Variants in VPS8 observed in about 807,000 individuals in gnomAD.
The protein encoded by VPS8 is vacuolar protein sorting-associated protein 8 homolog.
Under a neutral mutation model 216.4 loss-of-function variants are expected in VPS8, and 129 were observed. That is an observed-to-expected ratio of 0.60 (90% CI 0.52 to 0.69). The LOEUF (loss-of-function observed/expected upper bound fraction) is 0.69. Ranked by LOEUF, VPS8 falls within the 30% of genes least tolerant of loss-of-function variation. VPS8 has a pLI of 0.00. For missense variants in VPS8, 1,531 were observed against 1,683.5 expected, an observed-to-expected ratio of 0.91 and a Z score of 1.59; for synonymous variants, 571 against 565.4, an observed-to-expected ratio of 1.01 and a Z score of -0.14.
intron 42 of VPS8, among the ~76,000 whole-genome samples, chr3:184,983,845 A>T (rs970050760): frequency 1.4e-5 from 2 of 147,164 alleles, no homozygotes; most frequent in African/African-American, 2.5e-5. Flanking sequence ...ATAATTTTCA[A>T]ATGATTTTTA....
intron 42 of VPS8, among the ~76,000 whole-genome samples, chr3:184,989,971 G>A (rs1751661119): frequency 6.6e-6 from 1 of 152,100 alleles, no homozygotes; most frequent in Admixed American, 6.5e-5. Flanking sequence ...TACTCGGGAG[G>A]CTGAGGCAGG....
Position 184,950,216 on chromosome 3 carries a change from C to CTTTTTTTTTTTTTTTTTT in VPS8, c.3036-7147_3036-7130dup, listed in dbSNP as rs10700220. On this transcript the variant is annotated intron_variant, in intron 36 of 47. Transcript: ENST00000625842. ...AGCAACCACGCCCAGCAGTTTTCTG[C>CTTTTTTTTTTTTTTTTTT]TTTTTTTTTTTTTTTTTTTTTTTTT... Among the ~76,000 whole-genome samples the CTTTTTTTTTTTTTTTTTT allele has an allele frequency of 3.0e-4, 12 of 39,930 alleles. 3 individuals are homozygous for CTTTTTTTTTTTTTTTTTT. Among genetic ancestry groups the CTTTTTTTTTTTTTTTTTT allele is most frequent in the African/African-American group, 4.2e-4 (4 of 9,608 alleles). The allele number at this position is 39,930 out of a possible 152,430, so 26.2% of individuals were successfully genotyped here.
chr3:184,891,530 G>A (rs1451876020), intron 22 of VPS8, among the ~76,000 whole-genome samples: 2 of 152,092 alleles, frequency 1.3e-5, no homozygotes, highest in African/African-American at 4.8e-5. Context: ...GCTATATTGA[G>A]ATATAATTCA....
intron 25 of VPS8, among the ~76,000 whole-genome samples, chr3:184,902,663 C>G (rs550518190): frequency 6.6e-6 from 1 of 151,272 alleles, no homozygotes; most frequent in South Asian, 2.1e-4. Flanking sequence ...AACCCTATCT[C>G]TACTATAAAT....
intron 25 of VPS8, among the ~76,000 whole-genome samples, chr3:184,911,429 G>A (rs1242147069): frequency 6.6e-6 from 1 of 152,186 alleles, no homozygotes; most frequent in East Asian, 1.9e-4. Context: ...CAATTTAGAG[G>A]TTTATTTTAC....
At chr3:184,892,394 T>G (rs970596706) in intron 22 of VPS8, among the ~76,000 whole-genome samples, 2 of 152,158 alleles carry the variant, frequency 1.3e-5, no homozygotes, top group African/African-American at 4.8e-5. Context: ...TTTTTGTATT[T>G]TTAGTAGAGA....
At chr3:184,915,696 C>T (rs923925283) in intron 28 of VPS8, among the ~76,000 whole-genome samples, 4 of 152,138 alleles carry the variant, frequency 2.6e-5, no homozygotes, top group Non-Finnish European at 2.9e-5. Flanking sequence ...GTAATCCCAG[C>T]TACTTGGGAG....
chr3:185,014,699 CCT>C lies in VPS8; in HGVS notation c.4003-9636_4003-9635del, dbSNP rs1326860331. Among the ~76,000 whole-genome samples the C allele has an allele frequency of 6.6e-5, 10 of 152,122 alleles. No homozygotes were observed. In the South Asian group the frequency reaches 1.9e-3, roughly 28 times the overall value. ...TGTCCCATAGTCCCTGTTTCTCCCC[CCT>C]TTTTTGTTTTTGTAACTGCTGTTTT... On this transcript the variant is annotated intron_variant, in intron 45 of 47. Coordinates refer to ENST00000625842, the MANE Select transcript of VPS8 (RefSeq NM_001009921.3).
intron 11 of VPS8, among the ~76,000 whole-genome samples, chr3:184,853,605 T>C (rs757598744): frequency 1.1e-4 from 16 of 152,176 alleles, no homozygotes; most frequent in Non-Finnish European, 1.8e-4. Flanking sequence ...CCAGATCATA[T>C]CCTTTTAAGA....
chr3:184,824,957 G>C, intron 2 of VPS8, 172 bp downstream of exon 2: 2 of 646,706 alleles, frequency 3.1e-6, no homozygotes, highest in Non-Finnish European at 5.4e-6. Context: ...CCAGGTTGGA[G>C]TACAGTGGTG....
chr3:184,900,508 T>A (rs1181127378), intron 24 of VPS8, among the ~76,000 whole-genome samples: 1 of 152,230 alleles, frequency 6.6e-6, no homozygotes, highest in Non-Finnish European at 1.5e-5. Context: ...TGGGAGACTC[T>A]GCTTAAGTTT....
chr3:184,928,038 T>C (rs923727859), intron 31 of VPS8, among the ~76,000 whole-genome samples: 1 of 152,364 alleles, frequency 6.6e-6, no homozygotes, highest in Non-Finnish European at 1.5e-5. Context: ...GCCCCAATAC[T>C]TAATTTTTAA....
intron 36 of VPS8, among the ~76,000 whole-genome samples, chr3:184,955,721 A>G (rs907501483): frequency 3.3e-5 from 5 of 152,154 alleles, no homozygotes; most frequent in African/African-American, 7.2e-5. Context: ...AGGCAGTCCA[A>G]TGTACTGTCT....
At chr3:184,968,293 A>C (rs940089348) in intron 39 of VPS8, among the ~76,000 whole-genome samples, 14 of 152,124 alleles carry the variant, frequency 9.2e-5, no homozygotes, top group African/African-American at 3.4e-4. Context: ...TTCAATGGAC[A>C]CTTGGGCCAC....
At chr3:184,952,998 TCTG>T (rs1744976409) in intron 36 of VPS8, among the ~76,000 whole-genome samples, 1 of 152,166 alleles carries the variant, frequency 6.6e-6, no homozygotes, top group African/African-American at 2.4e-5. Context: ...AGGAAAGAAT[TCTG>T]GTTAAAGGTT....
intron 43 of VPS8, among the ~76,000 whole-genome samples, chr3:184,995,007 A>AAC (rs1467823207): frequency 6.6e-6 from 1 of 152,186 alleles, no homozygotes; most frequent in African/African-American, 2.4e-5. Context: ...TCACGAGAAC[A>AAC]ACACAGGAAA....
At chr3:184,818,960 G>C (rs1169491933) in intron 1 of VPS8, among the ~76,000 whole-genome samples, 1 of 152,060 alleles carries the variant, frequency 6.6e-6, no homozygotes, top group Non-Finnish European at 1.5e-5. Context: ...TTGAGGCCAG[G>C]AGTTTAAGGC....
Position 184,840,089 on chromosome 3 carries a change from A to G in VPS8, c.535+337A>G, listed in dbSNP as rs114530268. 987 of 208,128 alleles carry G rather than the reference A, an allele frequency of 4.7e-3. 15 individuals carry two copies. The highest frequency in any genetic ancestry group is 0.022 in the African/African-American group (955 of 42,858). The allele number at this position is 208,128 out of a possible 1,614,324, so 12.9% of individuals were successfully genotyped here. ...TGGTGGTGGGGATTTTTGATTCTGA[A>G]TCACCTTCCAGTAATGGGTATTCTA... is the stretch of plus-strand genomic sequence containing the variant. On this transcript the variant is annotated intron_variant, in intron 7 of 47. Transcript: ENST00000625842.
intron 47 of VPS8, among the ~76,000 whole-genome samples, 189 bp from the exon 48 acceptor site, chr3:185,051,687 A>C (rs972342286): frequency 6.6e-6 from 1 of 152,200 alleles, no homozygotes; most frequent in African/African-American, 2.4e-5. Flanking sequence ...TTTAGACCCT[A>C]AAAAATGAAG....
Sources: gnomAD v4.1 joint callset for allele counts (sites outside exome capture counted in the v4.1 genomes callset) on GRCh38, gnomAD v4.1.1 for gene constraint, MANE v1.5 for transcripts, NCBI Gene and HGNC (gene_info 2026-07-23, HGNC 2026-07-21) for gene names.